P2RX3: variants seen among roughly 807,000 people sequenced by gnomAD.
P2RX3 encodes purinergic receptor P2X 3.
P2RX3 carries 41 observed loss-of-function variants against 51.5 expected under a neutral mutation model. The observed-to-expected ratio is 0.80, with a 90% CI of 0.62 to 1.03. P2RX3 has a LOEUF of 1.03. P2RX3 is among the 50% of genes least tolerant of loss of function. The pLI is 0.00. For synonymous variants in P2RX3, 185 were observed against 191.6 expected (o/e 0.97, Z 0.29); for missense variants, 459 against 522.1 (o/e 0.88, Z 1.18).
intron 8 of P2RX3, 127 bp downstream of exon 8, chr11:57,351,025 T>C (rs1327907062): frequency 7.3e-7 from 1 of 1,373,712 alleles, no homozygotes; most frequent in African/African-American, 1.4e-5. Flanking sequence ...TCAGGTTTCA[T>C]TTCAAATCAG....
intron 8 of P2RX3, among the ~76,000 whole-genome samples, chr11:57,353,981 G>A (rs958073342): frequency 1.3e-5 from 2 of 152,066 alleles, no homozygotes; most frequent in Admixed American, 6.5e-5. Context: ...TCCAAAGGGG[G>A]CATCTTAGAG....
intron 8 of P2RX3, among the ~76,000 whole-genome samples, chr11:57,365,413 C>T (rs1856783260): frequency 6.6e-6 from 1 of 152,224 alleles, no homozygotes. Context: ...CCTCAGTGCC[C>T]TGGCCTCTCT....
At chr11:57,344,126 A>T (rs942171600) in intron 1 of P2RX3, among the ~76,000 whole-genome samples, 4 of 152,198 alleles carry the variant, frequency 2.6e-5, no homozygotes, top group African/African-American at 9.6e-5. Context: ...CACGCAAGTC[A>T]CTCTAAGTGG....
intron 3 of P2RX3, 72 bp from the exon 4 acceptor site, chr11:57,347,343 G>C: frequency 6.6e-7 from 1 of 1,522,468 alleles, no homozygotes. Flanking sequence ...GTTATGGGGA[G>C]GTCGAGGGAG....
chr11:57,349,298 CAA>C (rs34340558), intron 6 of P2RX3, among the ~76,000 whole-genome samples: 63 of 122,518 alleles, frequency 5.1e-4, no homozygotes, highest in African/African-American at 4.4e-4. Context: ...CTGTCTGTAC[CAA>C]AAAAAAAAAA....
rs1316903352 is a variant in P2RX3 at position 57,369,370 on chromosome 11, C to G, written c.1012C>G (p.Leu338Val). 1 of 1,610,436 alleles carries G rather than the reference C, an allele frequency of 6.2e-7. No individual in the cohort carries two copies. Among genetic ancestry groups the G allele is most frequent in the South Asian group, 1.1e-5 (1 of 90,334 alleles). The change falls in exon 11 of 12, where the codon CTC (leucine) becomes GTC (valine). Residue 338 changes from leucine to valine, a missense_variant. By Grantham distance (32) the Leu-to-Val change is conservative (BLOSUM62 1). Transcript: ENST00000263314. ...AFTSVGVGTV[L>V]CDIILLNFLK... is the part of the protein sequence containing the mutation. ...GCCTCTCCTCCTCCAGGGAACTGTT[C>G]TCTGTGACATCATCCTGCTCAACTT...
At chr11:57,368,339 TC>T in intron 9 of P2RX3, 32 bp from the exon 10 acceptor site, 1 of 1,612,668 alleles carries the variant, frequency 6.2e-7, no homozygotes, top group Non-Finnish European at 8.5e-7. Flanking sequence ...CCATGGGCCC[TC>T]TGCCCACTTG....
intron 8 of P2RX3, among the ~76,000 whole-genome samples, chr11:57,359,301 C>T: frequency 6.6e-6 from 1 of 152,098 alleles, no homozygotes; most frequent in Non-Finnish European, 1.5e-5. Flanking sequence ...CGCCCATTGA[C>T]CAAATTCCCC....
chr11:57,347,092 T>G (rs763033795), intron 2 of P2RX3, 24 bp from the exon 3 acceptor site: 1 of 1,607,292 alleles, frequency 6.2e-7, no homozygotes, highest in Non-Finnish European at 8.5e-7. Flanking sequence ...TGGATGTTTT[T>G]CTCTCCCTTC....
At chr11:57,349,401 G>A (rs1856501289) in intron 6 of P2RX3, among the ~76,000 whole-genome samples, 1 of 152,022 alleles carries the variant, frequency 6.6e-6, no homozygotes. Context: ...GGGAGGCAGA[G>A]GTTGCAGTGA....
intron 6 of P2RX3, among the ~76,000 whole-genome samples, chr11:57,349,142 T>C (rs1262150370): frequency 6.6e-6 from 1 of 152,082 alleles, no homozygotes; most frequent in Non-Finnish European, 1.5e-5. Flanking sequence ...GCATTGGCCA[T>C]GTGCAGAGGG....
rs1245619626 is a variant in P2RX3 at position 57,368,045 on chromosome 11, G to A, written c.879G>A (p.Glu293=). ...AKYYKMENGS[E]YRTLLKAFGI... ...ACTACAAAATGGAAAATGGCAGTGA[G>A]TACCGCACCCTCCTGAAGGCTTTTG... The change falls in exon 9 of 12, where the codon GAG becomes GAA. Residue 293 remains glutamate (E), a synonymous_variant. Transcript: ENST00000263314. 2 of 1,614,182 alleles carry A rather than the reference G, an allele frequency of 1.2e-6. No homozygotes were observed. Among genetic ancestry groups the A allele is most frequent in the East Asian group, 4.5e-5 (2 of 44,876 alleles).
At chr11:57,342,229 G>A (rs1481425511) in intron 1 of P2RX3, among the ~76,000 whole-genome samples, 2 of 129,520 alleles carry the variant, frequency 1.5e-5, no homozygotes, top group Non-Finnish European at 3.1e-5. Flanking sequence ...GTGCAATCTC[G>A]ACTCACTGCA....
At chr11:57,366,197 G>A (rs1856794576) in intron 8 of P2RX3, among the ~76,000 whole-genome samples, 2 of 152,212 alleles carry the variant, frequency 1.3e-5, no homozygotes, top group Non-Finnish European at 2.9e-5. Flanking sequence ...GGCCCGTGAT[G>A]AGCAGAGCCA....
intron 7 of P2RX3, 141 bp from the exon 8 acceptor site, chr11:57,350,621 C>A: frequency 8.5e-7 from 1 of 1,176,966 alleles, no homozygotes; most frequent in African/African-American, 1.5e-5. Flanking sequence ...TGACATGTCA[C>A]TTTCCGTTCT....
chr11:57,366,490 A>G (rs1856798865), intron 8 of P2RX3, among the ~76,000 whole-genome samples: 1 of 152,100 alleles, frequency 6.6e-6, no homozygotes, highest in Non-Finnish European at 1.5e-5. Context: ...GGGCAAATCT[A>G]GTGCTGAGCT....
Position 57,368,420 on chromosome 11 carries a change from T to C in P2RX3, c.985T>C (p.Phe329Leu). 6.2e-7 allele frequency: 1 copy of C among 1,614,100 alleles called. No individual in the cohort carries two copies. Among genetic ancestry groups the C allele is most frequent in the Non-Finnish European group, 8.5e-7 (1 of 1,180,018 alleles). ...IPTIISSVAAFTSVGVGTVLC... is the reference protein window; with the variant it reads ...IPTIISSVAALTSVGVGTVLC... Reference sequence around the variant, plus strand: ...CACCATCATCAGCTCTGTGGCGGCCTTTACTTCTGTGGGAGTGGTGAGTTC... The same window carrying C: ...CACCATCATCAGCTCTGTGGCGGCCCTTACTTCTGTGGGAGTGGTGAGTTC... Residue 329 changes from phenylalanine to leucine, a missense_variant, in exon 10 of 12, where the codon TTT becomes CTT. Coordinates refer to ENST00000263314, the MANE Select transcript of P2RX3 (RefSeq NM_002559.5).
chr11:57,354,634 ATGT>A (rs1379904793), intron 8 of P2RX3, among the ~76,000 whole-genome samples: 5 of 151,752 alleles, frequency 3.3e-5, no homozygotes, highest in East Asian at 1.9e-4. Context: ...GGAACAGGTG[ATGT>A]TGTGTGTGTG....
At chr11:57,339,806 C>A in intron 1 of P2RX3, among the ~76,000 whole-genome samples, 1 of 152,154 alleles carries the variant, frequency 6.6e-6, no homozygotes, top group East Asian at 1.9e-4. Flanking sequence ...TGCATGCAAA[C>A]CTGCTTGCTT....
Sources: allele counts gnomAD v4.1 joint callset (sites outside exome capture counted in the v4.1 genomes callset), GRCh38; gene constraint gnomAD v4.1.1; transcripts MANE v1.5; gene names NCBI Gene and HGNC (gene_info 2026-07-23, HGNC 2026-07-21).